APPL2: variants seen among roughly 807,000 people sequenced by gnomAD.
APPL2 encodes the protein DCC-interacting protein 13-beta.
APPL2 carries 84 observed loss-of-function variants against 92.7 expected under a neutral mutation model. The ratio of observed to expected loss-of-function variants is 0.91; its 90% CI spans 0.76 to 1.09. APPL2 has a LOEUF of 1.09. Ranked by LOEUF, APPL2 falls within the 50% of genes least tolerant of loss-of-function variation. The probability of loss-of-function intolerance (pLI) is 0.00; values close to 1 mark genes in which losing one functional copy is unlikely to be tolerated. For missense variants in APPL2, 736 were observed against 824.5 expected (o/e 0.89, Z 1.31); for synonymous variants, 291 against 291.0 (o/e 1.00, Z 0.00).
chr12:105,212,018 C>T lies in APPL2; in HGVS notation c.286-701G>A, dbSNP rs1429192249. ...CCTGTAGTCCCAGCTATGTGGGAGG[C>T]TGAGGCAGGAGAATGGTGTGAACCC... On this transcript the variant is annotated intron_variant, in intron 4 of 20. Coordinates refer to ENST00000258530, the MANE Select transcript of APPL2 (RefSeq NM_018171.5). Among the ~76,000 whole-genome samples the T allele has an allele frequency of 2.0e-5, 3 of 147,058 alleles. No individual in the cohort carries two copies. The East Asian group carries it at 6.2e-4, about 30-fold the overall frequency.
Position 105,217,664 on chromosome 12 carries a change from A to G in APPL2, c.213+2T>C, listed in dbSNP as rs1464029795. ...TCACAGGCCACATAAATACCAAGTT[A>G]CCTGTTTTTCATATGCCAGCAGTTG... On this transcript the variant is annotated splice_donor_variant, in intron 3 of 20. Coordinates refer to ENST00000258530, the MANE Select transcript of APPL2 (RefSeq NM_018171.5). LOFTEE classifies it high-confidence loss of function. 6.2e-7 allele frequency: 1 copy of G among 1,613,980 alleles called. No individual in the cohort carries two copies. The highest frequency in any genetic ancestry group is 8.5e-7 in the Non-Finnish European group (1 of 1,179,976).
intron 3 of APPL2, 40 bp downstream of exon 3, chr12:105,217,626 G>T: frequency 6.3e-7 from 1 of 1,599,556 alleles, no homozygotes; most frequent in South Asian, 1.1e-5. Flanking sequence ...AGAAAGTCCT[G>T]AACACAGCAG....
intron 2 of APPL2, among the ~76,000 whole-genome samples, chr12:105,228,330 G>A (rs1307953921): frequency 2.6e-5 from 4 of 152,160 alleles, no homozygotes; most frequent in African/African-American, 7.2e-5. Flanking sequence ...TTTATGTGTC[G>A]TGTCAGCACT....
intron 4 of APPL2, among the ~76,000 whole-genome samples, chr12:105,214,214 T>A (rs1889459405): frequency 6.6e-6 from 1 of 152,094 alleles, no homozygotes; most frequent in Admixed American, 6.5e-5. Flanking sequence ...AAACCATACT[T>A]CCATCCTTTG....
rs1888890051 is a variant in APPL2, at chr12:105,208,029, T to G, written c.416A>C (p.Glu139Ala). ...GTATTTTGCCATTGAGAGGTCATGC[T>G]CTAAAAATAAACAGACATCTGAACA... is the stretch of plus-strand genomic sequence containing the variant. ...LKDLFGLASN[E>A]HDLSMAKYSR... Residue 139 changes from glutamate to alanine, a missense_variant and splice_region_variant, in exon 7 of 21, where the codon GAG becomes GCG. Coordinates refer to ENST00000258530, the MANE Select transcript of APPL2 (RefSeq NM_018171.5). The G allele has an allele frequency of 6.2e-7, 1 of 1,614,136 alleles. No homozygotes were observed. The highest frequency in any genetic ancestry group is 8.5e-7 in the Non-Finnish European group (1 of 1,180,016).
At chr12:105,195,671 A>C in intron 11 of APPL2, 44 bp from the exon 12 acceptor site, 15 of 1,597,088 alleles carry the variant, frequency 9.4e-6, no homozygotes, top group African/African-American at 1.3e-5. Flanking sequence ...CCCTGATCTC[A>C]GTGACTGGGA....
intron 1 of APPL2, among the ~76,000 whole-genome samples, chr12:105,232,646 C>T (rs1462267793): frequency 1.3e-5 from 2 of 151,632 alleles, no homozygotes; most frequent in East Asian, 1.9e-4. Context: ...TGCCTGTAGT[C>T]CTAGCTACTC....
chr12:105,190,191 G>A (rs1292159884), intron 14 of APPL2, 36 bp from the exon 15 acceptor site: 12 of 1,586,356 alleles, frequency 7.6e-6, no homozygotes, highest in South Asian at 2.3e-5. Flanking sequence ...TTAACCTTAC[G>A]CTTTTATAAT....
At chr12:105,176,173 G>C (rs548226338) in intron 19 of APPL2, 91 bp from the exon 20 acceptor site, 1 of 1,134,426 alleles carries the variant, frequency 8.8e-7, no homozygotes, top group South Asian at 1.4e-5. Context: ...TGAGGTCACT[G>C]TTCTCACTGT....
chr12:105,214,567 G>A (rs189153994), intron 4 of APPL2, among the ~76,000 whole-genome samples: 11 of 152,358 alleles, frequency 7.2e-5, no homozygotes, highest in African/African-American at 2.6e-4. Flanking sequence ...TAAAAAATAT[G>A]TATTTGGTCT....
intron 1 of APPL2, among the ~76,000 whole-genome samples, chr12:105,231,239 C>A (rs1476759661): frequency 6.6e-6 from 1 of 152,066 alleles, no homozygotes; most frequent in Non-Finnish European, 1.5e-5. Flanking sequence ...TTAGCCAAAT[C>A]CTGTTTATTG....
intron 2 of APPL2, among the ~76,000 whole-genome samples, chr12:105,225,388 G>C (rs759292679): frequency 3.3e-5 from 5 of 152,090 alleles, no homozygotes; most frequent in African/African-American, 7.2e-5. Flanking sequence ...AAATTTCACT[G>C]TAAGCCCCTA....
Position 105,173,612 on chromosome 12 carries a change from A to G in APPL2, c.*702T>C, listed in dbSNP as rs1475256884. 1.3e-5 allele frequency: 2 copies of G among 152,694 alleles called. No homozygotes were observed. The highest frequency in any genetic ancestry group is 2.4e-5 in the African/African-American group (1 of 41,466). The allele number at this position is 152,694 out of a possible 1,614,324, so 9.5% of individuals were successfully genotyped here. A position where few individuals can be genotyped will look rare whatever the true frequency, so the allele number is the denominator to read the frequency against. On this transcript the variant is annotated 3_prime_UTR_variant, in exon 21 of 21. Coordinates refer to ENST00000258530, the MANE Select transcript of APPL2 (RefSeq NM_018171.5). Reference sequence around the variant, plus strand: ...TGCACCCTGTCCACAGTGATCCACTACTAAAAATACTCATACCTAGGAGGA... The same window carrying G: ...TGCACCCTGTCCACAGTGATCCACTGCTAAAAATACTCATACCTAGGAGGA...
chr12:105,184,044 C>G (rs1008465471), intron 17 of APPL2, among the ~76,000 whole-genome samples: 1 of 152,068 alleles, frequency 6.6e-6, no homozygotes, highest in Admixed American at 6.6e-5. Flanking sequence ...TCCACTTGAT[C>G]GATTTGACTA....
At chr12:105,230,580 A>G (rs1001122413) in intron 1 of APPL2, among the ~76,000 whole-genome samples, 8 of 152,232 alleles carry the variant, frequency 5.3e-5, no homozygotes, top group Non-Finnish European at 7.3e-5. Context: ...CTGCAAATAA[A>G]TTGCAATTCC....
chr12:105,214,333 C>T (rs949698979), intron 4 of APPL2, among the ~76,000 whole-genome samples: 2 of 152,236 alleles, frequency 1.3e-5, no homozygotes, highest in Admixed American at 6.5e-5. Flanking sequence ...CGACAACTAA[C>T]CGCGTTTCCT....
At chr12:105,200,361 GCAA>G (rs1344374911) in intron 9 of APPL2, among the ~76,000 whole-genome samples, 1 of 152,240 alleles carries the variant, frequency 6.6e-6, no homozygotes, top group Non-Finnish European at 1.5e-5. Flanking sequence ...GTACTAAGGT[GCAA>G]CAACAAAGCC....
chr12:105,191,460 G>A (rs1290796416), intron 14 of APPL2, among the ~76,000 whole-genome samples: 1 of 152,190 alleles, frequency 6.6e-6, no homozygotes, highest in Non-Finnish European at 1.5e-5. Context: ...ACTGAAGAAA[G>A]CTATGAGTAG....
chr12:105,186,708 T>TATATCATAC (rs1555248128), intron 17 of APPL2, among the ~76,000 whole-genome samples: 7 of 60,344 alleles, frequency 1.2e-4, no homozygotes, highest in Non-Finnish European at 2.1e-4. Flanking sequence ...TCATATCATA[T>TATATCATAC]ATCATATCAT....
Sources: gnomAD v4.1 joint callset for allele counts (sites outside exome capture counted in the v4.1 genomes callset) on GRCh38, gnomAD v4.1.1 for gene constraint, MANE v1.5 for transcripts, NCBI Gene and HGNC (gene_info 2026-07-23, HGNC 2026-07-21) for gene names.